MEI1: variants seen among roughly 807,000 people sequenced by gnomAD.
MEI1 encodes the protein meiotic double-stranded break formation protein 1.
In MEI1, 103 loss-of-function variants were observed where a neutral mutation model predicts 146.2. The ratio of observed to expected loss-of-function variants is 0.70; its 90% CI spans 0.60 to 0.83. The LOEUF (loss-of-function observed/expected upper bound fraction) is 0.83. MEI1 is among the 40% of genes least tolerant of loss of function. MEI1 has a pLI of 0.00. For missense variants in MEI1, 1,529 were observed against 1,533.0 expected (o/e 1.00, Z 0.04); for synonymous variants, 652 against 628.2 (o/e 1.04, Z -0.57).
chr22:41,769,200 G>C (rs1443360247), intron 19 of MEI1, among the ~76,000 whole-genome samples: 2 of 152,058 alleles, frequency 1.3e-5, no homozygotes, highest in Admixed American at 6.6e-5. Context: ...GGATAGTGTG[G>C]TACTGACATA....
intron 6 of MEI1, among the ~76,000 whole-genome samples, chr22:41,721,480 G>A (rs528859232): frequency 9.3e-5 from 14 of 150,218 alleles, no homozygotes; most frequent in Admixed American, 2.0e-4. Flanking sequence ...TCCTGACCTC[G>A]TGATTCGCCT....
chr22:41,745,909 G>A lies in MEI1; in HGVS notation c.1563G>A (p.Glu521=), dbSNP rs779085112. 1.6e-5 allele frequency: 25 copies of A among 1,611,486 alleles called. No homozygotes were observed. The highest frequency in any genetic ancestry group is 2.0e-5 in the Non-Finnish European group (24 of 1,178,192). The change falls in exon 14 of 31, where the codon GAG becomes GAA. Residue 521 remains glutamate (E), a synonymous_variant. Transcript: ENST00000401548. ...ACRLAIEFQS[E]PSAQENPFTA... The stretch of plus-strand genomic sequence containing the variant: ...GGTTGGCTATAGAATTCCAGAGTGA[G>A]CCTTCAGCCCAGGAGAATCCATTCA...
At chr22:41,709,582 C>G (rs978829113) in intron 3 of MEI1, 2 of 466,336 alleles carry the variant, frequency 4.3e-6, no homozygotes, top group Middle Eastern at 5.7e-4. Flanking sequence ...CTCGCCTCTT[C>G]TTCTGAAAGG....
intron 24 of MEI1, 93 bp from the exon 25 acceptor site, chr22:41,784,246 G>C (rs530965882): frequency 1.6e-4 from 178 of 1,085,260 alleles, no homozygotes; most frequent in Non-Finnish European, 2.1e-4. Context: ...GTGGATATGT[G>C]GGGGGAGGTG....
chr22:41,709,244 G>C (rs567275024), intron 3 of MEI1: 56 of 881,266 alleles, frequency 6.4e-5, no homozygotes, highest in Non-Finnish European at 8.3e-5. Flanking sequence ...AGCACCTTCA[G>C]CTTTCTGTGC....
chr22:41,794,228 A>G, intron 27 of MEI1, 143 bp from the exon 28 acceptor site: 2 of 717,990 alleles, frequency 2.8e-6, no homozygotes, highest in Non-Finnish European at 4.8e-6. Flanking sequence ...AGCCCAGGGA[A>G]GAAAGAACCC....
intron 6 of MEI1, 87 bp downstream of exon 6, chr22:41,718,361 G>A: frequency 7.5e-7 from 1 of 1,329,018 alleles, no homozygotes; most frequent in Non-Finnish European, 1.0e-6. Context: ...CTAGTAGTGG[G>A]GAAGTTTGCT....
intron 30 of MEI1, among the ~76,000 whole-genome samples, chr22:41,796,490 G>A (rs900720411): frequency 1.3e-5 from 2 of 151,986 alleles, no homozygotes; most frequent in East Asian, 1.9e-4. Flanking sequence ...CACCATGCCC[G>A]GCTACATGCA....
chr22:41,770,300 C>T (rs530918427), intron 19 of MEI1, among the ~76,000 whole-genome samples: 1 of 152,158 alleles, frequency 6.6e-6, no homozygotes, highest in South Asian at 2.1e-4. Context: ...CACTGTGGTA[C>T]CATCATCAAG....
chr22:41,782,224 A>G (rs1230756157), intron 24 of MEI1, among the ~76,000 whole-genome samples: 7 of 152,178 alleles, frequency 4.6e-5, no homozygotes, highest in African/African-American at 1.7e-4. Context: ...GAGCAAAGGC[A>G]TGAAGCTGCA....
At chr22:41,770,658 T>C in intron 19 of MEI1, 28 bp from the exon 20 acceptor site, 1 of 1,605,592 alleles carries the variant, frequency 6.2e-7, no homozygotes, top group Non-Finnish European at 8.5e-7. Context: ...CAAGGTGTAT[T>C]TACCTCCTTT....
At chr22:41,736,862 A>T (rs534609818) in intron 11 of MEI1, among the ~76,000 whole-genome samples, 1 of 152,306 alleles carries the variant, frequency 6.6e-6, no homozygotes, top group South Asian at 2.1e-4. Flanking sequence ...AGCCCACTAT[A>T]GTGTTTTCCT....
At chr22:41,746,755 G>T (rs946108058) in intron 14 of MEI1, among the ~76,000 whole-genome samples, 5 of 152,106 alleles carry the variant, frequency 3.3e-5, no homozygotes, top group African/African-American at 1.2e-4. Context: ...ACAGTAGGTG[G>T]CAGCAGGGAG....
intron 1 of MEI1, among the ~76,000 whole-genome samples, chr22:41,700,296 G>A (rs2068601795): frequency 6.6e-6 from 1 of 152,242 alleles, no homozygotes; most frequent in Non-Finnish European, 1.5e-5. Flanking sequence ...AAAGCGGGCT[G>A]CCTGGGTCCT....
chr22:41,788,594 C>G (rs1192343610), intron 26 of MEI1, among the ~76,000 whole-genome samples: 1 of 151,676 alleles, frequency 6.6e-6, no homozygotes, highest in African/African-American at 2.4e-5. Flanking sequence ...GTGTGTGCCA[C>G]CATGCCTGGC....
At chr22:41,796,728 C>T (rs536641856) in intron 30 of MEI1, among the ~76,000 whole-genome samples, 1 of 152,274 alleles carries the variant, frequency 6.6e-6, no homozygotes, top group Non-Finnish European at 1.5e-5. Flanking sequence ...GTGGCTCACG[C>T]CTGAGGCCAG....
rs1381482326 is a variant in MEI1, at chr22:41,729,698, G to T, written c.898G>T (p.Ala300Ser). Residue 300 changes from alanine (A) to serine (S), a missense_variant, in exon 8 of 31, where the codon GCC becomes TCC. Transcript: ENST00000401548. ...LLSRDETLQV[A>S]SAHCITAVLV... Reference sequence around the variant, plus strand: ...CTCTAGAGATGAAACCCTGCAGGTGGCCAGTGCTCACTGTATAACTGCGGT... The same window carrying T: ...CTCTAGAGATGAAACCCTGCAGGTGTCCAGTGCTCACTGTATAACTGCGGT... The T allele has an allele frequency of 1.9e-6, 3 of 1,611,658 alleles. No individual in the cohort carries two copies. Among genetic ancestry groups the T allele is most frequent in the African/African-American group, 1.3e-5 (1 of 74,870 alleles).
intron 20 of MEI1, chr22:41,774,407 G>A (rs1190191068): frequency 1.3e-5 from 2 of 152,224 alleles, no homozygotes; most frequent in Non-Finnish European, 2.9e-5. Flanking sequence ...CACAAGACCA[G>A]GAAACTGGTT....
chr22:41,729,404 G>A (rs2071660507), intron 7 of MEI1, among the ~76,000 whole-genome samples: 1 of 152,170 alleles, frequency 6.6e-6, no homozygotes, highest in Admixed American at 6.5e-5. Context: ...ACTTATTGGT[G>A]ATAACAGTTA....
Sources: gnomAD v4.1 joint callset for allele counts (sites outside exome capture counted in the v4.1 genomes callset) on GRCh38, gnomAD v4.1.1 for gene constraint, MANE v1.5 for transcripts, NCBI Gene and HGNC (gene_info 2026-07-23, HGNC 2026-07-21) for gene names.